TENM2: variants seen among roughly 807,000 people sequenced by gnomAD.
The protein encoded by TENM2 is teneurin transmembrane protein 2.
Under a neutral mutation model 245.2 loss-of-function variants are expected in TENM2, and 52 were observed. The observed-to-expected ratio is 0.21, with a 90% confidence interval of 0.17 to 0.27. The LOEUF is 0.27. Among genes scored for constraint, TENM2 ranks in the 10% least tolerant of loss-of-function variants. The probability of loss-of-function intolerance (pLI) is 1.00; values close to 1 mark genes in which losing one functional copy is unlikely to be tolerated. For synonymous variants in TENM2, 1,363 were observed against 1,438.9 expected (o/e 0.95, Z 1.19); for missense variants, 3,046 against 3,666.8 (o/e 0.83, Z 4.37).
At chr5:167,926,965 AAC>A (rs2151672423) in intron 3 of TENM2, among the ~76,000 whole-genome samples, 1 of 152,268 alleles carries the variant, frequency 6.6e-6, no homozygotes, top group African/African-American at 2.4e-5. Flanking sequence ...CTTTAATTAA[AAC>A]ACAACAAAAT....
intron 5 of TENM2, among the ~76,000 whole-genome samples, chr5:167,996,719 T>TTTTGTTTG (rs71281808): frequency 0.046 from 6,977 of 150,954 alleles, 416 homozygotes; most frequent in African/African-American, 0.14. Flanking sequence ...TTGAATCACT[T>TTTTGTTTG]TTTGTTTGTT....
intron 2 of TENM2, among the ~76,000 whole-genome samples, chr5:167,754,113 C>T (rs1432279461): frequency 1.3e-5 from 2 of 152,148 alleles, no homozygotes; most frequent in African/African-American, 4.8e-5. Flanking sequence ...AAAAGCCCTA[C>T]TTTTGGGATA....
intron 3 of TENM2, among the ~76,000 whole-genome samples, chr5:167,907,209 G>T (rs1318066107): frequency 1.3e-5 from 2 of 150,774 alleles, no homozygotes; most frequent in East Asian, 3.9e-4. Flanking sequence ...TCCAGCCTGT[G>T]CAAAAAGAGT....
At chr5:167,193,196 A>G in the TENM2 span, among the ~76,000 whole-genome samples, 2 of 152,032 alleles carry the variant, frequency 1.3e-5, no homozygotes, top group Non-Finnish European at 2.9e-5. Flanking sequence ...TCTTAAACCC[A>G]TTAAGACTTG....
the TENM2 span, among the ~76,000 whole-genome samples, chr5:167,240,967 G>A: frequency 1.3e-5 from 2 of 152,102 alleles, no homozygotes; most frequent in African/African-American, 4.8e-5. Flanking sequence ...CCATCATTGT[G>A]CTGTATCTTT....
chr5:167,966,631 G>C (rs1781404823), intron 4 of TENM2, among the ~76,000 whole-genome samples: 1 of 152,172 alleles, frequency 6.6e-6, no homozygotes, highest in African/African-American at 2.4e-5. Flanking sequence ...AAACAAGATT[G>C]TTGAAACATC....
intron 2 of TENM2, among the ~76,000 whole-genome samples, chr5:167,786,797 G>T (rs984319108): frequency 6.6e-6 from 1 of 152,190 alleles, no homozygotes; most frequent in African/African-American, 2.4e-5. Context: ...TAGCACATAG[G>T]GGTTTGGACT....
At chr5:167,070,444 T>C in the TENM2 span, among the ~76,000 whole-genome samples, 1 of 151,944 alleles carries the variant, frequency 6.6e-6, no homozygotes, top group Non-Finnish European at 1.5e-5. Context: ...TGAGAAATAT[T>C]GATGATGCAA....
At chr5:167,873,359 T>C (rs543846600) in intron 2 of TENM2, among the ~76,000 whole-genome samples, 32 of 151,044 alleles carry the variant, frequency 2.1e-4, no homozygotes, top group African/African-American at 7.7e-4. Context: ...TTTATGTCAC[T>C]TCTTCCCTTT....
intron 2 of TENM2, among the ~76,000 whole-genome samples, chr5:167,445,311 TTATATA>T (rs755614167): frequency 0.079 from 5,473 of 69,560 alleles, 188 homozygotes; most frequent in Middle Eastern, 0.1. Flanking sequence ...AACCATATGA[TTATATA>T]TATATATATA....
intron 5 of TENM2, among the ~76,000 whole-genome samples, chr5:168,032,075 T>C (rs145553803): frequency 6.8e-4 from 103 of 152,328 alleles, no homozygotes; most frequent in African/African-American, 2.2e-3. Context: ...TCAAGTGTTC[T>C]GAGCCAGAGT....
the TENM2 span, among the ~76,000 whole-genome samples, chr5:167,113,451 G>A: frequency 1.3e-5 from 2 of 151,828 alleles, no homozygotes; most frequent in Non-Finnish European, 2.9e-5. Flanking sequence ...AACCAGCCTG[G>A]GCAACATAGT....
At chr5:167,791,883 C>G (rs548183090) in intron 2 of TENM2, among the ~76,000 whole-genome samples, 2 of 152,246 alleles carry the variant, frequency 1.3e-5, no homozygotes, top group South Asian at 2.1e-4. Context: ...GCAGTTGACT[C>G]TTCAGATGGA....
intron 2 of TENM2, among the ~76,000 whole-genome samples, chr5:167,652,123 G>A (rs1754510878): frequency 6.6e-6 from 1 of 152,108 alleles, no homozygotes; most frequent in Admixed American, 6.6e-5. Flanking sequence ...TAAAGGTCTA[G>A]ACAGAAGACC....
chr5:168,239,793 GATT>G (rs1229654987), intron 25 of TENM2, among the ~76,000 whole-genome samples: 1 of 152,116 alleles, frequency 6.6e-6, no homozygotes, highest in South Asian at 2.1e-4. Flanking sequence ...ACACACATAT[GATT>G]ATATTATGGT....
rs1766654455 is a variant in TENM2, at chr5:168,247,162, C to A, written c.6223C>A (p.Gln2075Lys). The change falls in exon 27 of 29, where the codon CAG becomes AAG. Residue 2075 changes from glutamine to lysine, a missense_variant. Physicochemically the swap from Gln to Lys is moderately conservative, Grantham distance 53. This residue lies in a region of TENM2 where 2,704 missense variants were observed against 3,331.9 expected (regional missense o/e 0.81). Coordinates refer to ENST00000518659, the Ensembl canonical transcript of TENM2. This position sits in a 1 kb window ranked among gnomAD's most constrained non-coding sequence, Gnocchi z 7.8. ...GAAGATTGGCCCCCTGGTGGACAAG[C>A]AGATCTACAGGTTCTCCGAGGAAGG... 4.3e-6 allele frequency: 7 copies of A among 1,613,826 alleles called. No homozygotes were observed. Among genetic ancestry groups the A allele is most frequent in the Admixed American group, 3.3e-5 (2 of 59,992 alleles).
chr5:167,840,773 G>T (rs1304668800), intron 2 of TENM2, among the ~76,000 whole-genome samples: 5 of 152,086 alleles, frequency 3.3e-5, no homozygotes, highest in African/African-American at 1.2e-4. Flanking sequence ...TACTCAGCGT[G>T]GCAGTAAAGA....
At chr5:167,319,482 A>G (rs1484698664) in intron 1 of TENM2, among the ~76,000 whole-genome samples, 2 of 152,174 alleles carry the variant, frequency 1.3e-5, no homozygotes, top group Non-Finnish European at 2.9e-5. Flanking sequence ...ACAACCTAGG[A>G]TAGCTATAGG....
At chr5:167,743,498 A>G (rs1459555614) in intron 2 of TENM2, among the ~76,000 whole-genome samples, 3 of 152,204 alleles carry the variant, frequency 2.0e-5, no homozygotes, top group African/African-American at 7.2e-5. Context: ...AAACAATTAA[A>G]TAAATAAATA....
Sources: gnomAD v4.1 joint callset for allele counts (sites outside exome capture counted in the v4.1 genomes callset) on GRCh38, gnomAD v4.1.1 for gene constraint, gnomAD v4.1.1 regional missense constraint, Gnocchi (gnomAD v3.1) non-coding constraint, MANE v1.5 for transcripts, NCBI Gene and HGNC (gene_info 2026-07-23, HGNC 2026-07-21) for gene names.